The following RXFP1 variants were observed in gnomAD, a reference collection of about 807,000 sequenced individuals.
RXFP1 encodes the protein relaxin family peptide receptor 1, also known as relaxin receptor 1.
Under a neutral mutation model 89.8 loss-of-function variants are expected in RXFP1, and 73 were observed. The observed-to-expected ratio is 0.81, with a 90% confidence interval of 0.67 to 0.99. The LOEUF is 0.99. Among genes scored for constraint, RXFP1 ranks in the 50% least tolerant of loss-of-function variants. RXFP1 has a pLI of 0.00. For synonymous variants in RXFP1, 277 were observed against 305.5 expected (o/e 0.91, Z 0.97); for missense variants, 793 against 895.5 (o/e 0.89, Z 1.46).
chr4:158,632,292 TA>T (rs1768199441), intron 11 of RXFP1, among the ~76,000 whole-genome samples: 1 of 152,204 alleles, frequency 6.6e-6, no homozygotes, highest in Non-Finnish European at 1.5e-5. Flanking sequence ...TTTTTAGTTT[TA>T]AAAACTCAGT....
At chr4:158,560,183 A>G (rs1752140938) in intron 1 of RXFP1, among the ~76,000 whole-genome samples, 1 of 152,210 alleles carries the variant, frequency 6.6e-6, no homozygotes, top group Non-Finnish European at 1.5e-5. Context: ...ATCAGTCCCA[A>G]CAATATCTCC....
Position 158,646,793 on chromosome 4 carries a change from G to GC in RXFP1, c.1350dup (p.Asp451ArgfsTer15), listed in dbSNP as rs1561204333. On this transcript the variant is annotated frameshift_variant, in exon 16 of 18. Coordinates refer to ENST00000307765, the MANE Select transcript of RXFP1 (RefSeq NM_021634.4). LOFTEE classifies it high-confidence loss of function. ...TTGTGAAACTATGACTCCTCTAGGTGCCGACTGCTTAATGGGAATATATTT... is the reference window on the plus strand; with the variant it reads ...TTGTGAAACTATGACTCCTCTAGGTGCCCGACTGCTTAATGGGAATATATTT... 22 of 1,596,200 alleles carry GC rather than the reference G, an allele frequency of 1.4e-5. No homozygotes were observed. Among genetic ancestry groups the GC allele is most frequent in the Non-Finnish European group, 1.9e-5 (22 of 1,168,776 alleles).
intron 14 of RXFP1, among the ~76,000 whole-genome samples, chr4:158,642,209 T>A (rs540063198): frequency 6.6e-6 from 1 of 152,308 alleles, no homozygotes; most frequent in Admixed American, 6.5e-5. Flanking sequence ...TACATAGTGA[T>A]GTTTTGGTAC....
intron 1 of RXFP1, among the ~76,000 whole-genome samples, chr4:158,563,527 CA>C (rs1752916787): frequency 6.6e-6 from 1 of 151,628 alleles, no homozygotes; most frequent in Non-Finnish European, 1.5e-5. Context: ...CACACACACA[CA>C]CACACACACC....
At chr4:158,650,432 A>AATATATATATATATATATATAT (rs149845150) in intron 17 of RXFP1, among the ~76,000 whole-genome samples, 12 of 145,474 alleles carry the variant, frequency 8.2e-5, no homozygotes, top group African/African-American at 2.8e-4. Flanking sequence ...AATATATATA[A>AATATATATATATATATATATAT]ATATATATAT....
intron 1 of RXFP1, among the ~76,000 whole-genome samples, chr4:158,556,117 G>T (rs1751229492): frequency 6.6e-6 from 1 of 151,402 alleles, no homozygotes; most frequent in Non-Finnish European, 1.5e-5. Flanking sequence ...CACAGCAAAG[G>T]AAACTATTAA....
intron 9 of RXFP1, 104 bp from the exon 10 acceptor site, chr4:158,626,716 A>C: frequency 3.1e-6 from 2 of 637,836 alleles, no homozygotes; most frequent in Non-Finnish European, 5.3e-6. Flanking sequence ...TGAAATAAAC[A>C]GTATGTAAAG....
At chr4:158,638,778 C>A (rs1483989484) in intron 13 of RXFP1, among the ~76,000 whole-genome samples, 1 of 142,272 alleles carries the variant, frequency 7.0e-6, no homozygotes, top group Non-Finnish European at 1.5e-5. Context: ...CATACCACCA[C>A]ACCAGCCTGG....
intron 6 of RXFP1, among the ~76,000 whole-genome samples, chr4:158,609,227 A>AT: frequency 6.6e-6 from 1 of 152,228 alleles, no homozygotes; most frequent in East Asian, 1.9e-4. Flanking sequence ...TTTGATTTTG[A>AT]TTTTTTAAGG....
chr4:158,549,245 G>A (rs2149878502), intron 1 of RXFP1, among the ~76,000 whole-genome samples: 1 of 152,110 alleles, frequency 6.6e-6, no homozygotes, highest in Admixed American at 6.5e-5. Flanking sequence ...GATCGCATCG[G>A]CTCCTGAGGC....
chr4:158,608,732 C>T (rs1356571731), intron 6 of RXFP1, among the ~76,000 whole-genome samples: 1 of 152,148 alleles, frequency 6.6e-6, no homozygotes, highest in Admixed American at 6.5e-5. Context: ...AAAACTTTTT[C>T]ATCTTCCCCA....
chr4:158,611,663 G>T (rs1213107628), intron 6 of RXFP1, among the ~76,000 whole-genome samples: 1 of 152,188 alleles, frequency 6.6e-6, no homozygotes, highest in African/African-American at 2.4e-5. Context: ...CCTCTGTTTA[G>T]TAAAGCCTTC....
At chr4:158,569,352 C>T (rs1017992003) in intron 1 of RXFP1, among the ~76,000 whole-genome samples, 2 of 152,264 alleles carry the variant, frequency 1.3e-5, no homozygotes, top group Middle Eastern at 3.4e-3. Flanking sequence ...ATGGTGGATA[C>T]GTGTCATTAT....
At chr4:158,643,468 G>GT (rs59869659) in intron 14 of RXFP1, among the ~76,000 whole-genome samples, 25,899 of 112,730 alleles carry the variant, frequency 0.23, 5,869 homozygotes, top group African/African-American at 0.53. Flanking sequence ...TCATATGCTA[G>GT]TTTTTTTTTT....
At chr4:158,579,896 T>C (rs1292796740) in intron 2 of RXFP1, among the ~76,000 whole-genome samples, 1 of 152,194 alleles carries the variant, frequency 6.6e-6, no homozygotes, top group Non-Finnish European at 1.5e-5. Flanking sequence ...TTTGTACTCT[T>C]TTATGTTATG....
chr4:158,594,671 A>G (rs1561087351), intron 3 of RXFP1, among the ~76,000 whole-genome samples: 2 of 152,128 alleles, frequency 1.3e-5, no homozygotes, highest in Non-Finnish European at 2.9e-5. Context: ...TGGGTTAATT[A>G]TGGTTACAGT....
At chr4:158,623,667 G>A (rs574033742) in intron 9 of RXFP1, among the ~76,000 whole-genome samples, 2 of 152,214 alleles carry the variant, frequency 1.3e-5, no homozygotes, top group East Asian at 3.9e-4. Flanking sequence ...CTTTGGGACA[G>A]CAACATAACT....
At chr4:158,582,280 G>A (rs757404387) in intron 2 of RXFP1, among the ~76,000 whole-genome samples, 2 of 151,984 alleles carry the variant, frequency 1.3e-5, no homozygotes, top group African/African-American at 4.8e-5. Flanking sequence ...CTGCTACAAG[G>A]GTCCATTCTT....
intron 8 of RXFP1, among the ~76,000 whole-genome samples, chr4:158,616,288 G>A (rs1764550023): frequency 6.6e-6 from 1 of 152,046 alleles, no homozygotes; most frequent in Non-Finnish European, 1.5e-5. Context: ...AAATAGCCGG[G>A]CATCGTGGCA....
Sources: allele counts gnomAD v4.1 joint callset (sites outside exome capture counted in the v4.1 genomes callset), GRCh38; gene constraint gnomAD v4.1.1; transcripts MANE v1.5; gene names NCBI Gene and HGNC (gene_info 2026-07-23, HGNC 2026-07-21).